Variants in SH3GL1 observed in about 807,000 individuals in gnomAD.
SH3GL1 encodes endophilin-A2.
SH3GL1 carries 21 observed loss-of-function variants against 48.8 expected under a neutral mutation model. The observed-to-expected ratio is 0.43, with a 90% CI of 0.30 to 0.62. SH3GL1 has a LOEUF of 0.62. Among genes scored for constraint, SH3GL1 ranks in the 20% least tolerant of loss-of-function variants. The probability of loss-of-function intolerance (pLI) is 0.11; values close to 1 mark genes in which losing one functional copy is unlikely to be tolerated. For missense variants in SH3GL1, 454 were observed against 503.0 expected (o/e 0.90, Z 0.93); for synonymous variants, 282 against 217.5 (o/e 1.30, Z -2.61).
At chr19:4,383,629 C>T (rs2144905816) in intron 1 of SH3GL1, among the ~76,000 whole-genome samples, 1 of 152,320 alleles carries the variant, frequency 6.6e-6, no homozygotes, top group South Asian at 2.1e-4. Context: ...ACTGCTCTCA[C>T]ACATGGTTTC....
At chr19:4,399,936 G>A (rs563985277) in intron 1 of SH3GL1, among the ~76,000 whole-genome samples, 3 of 152,190 alleles carry the variant, frequency 2.0e-5, no homozygotes, top group East Asian at 1.9e-4. Context: ...GAACGTAACT[G>A]CTCTAGACGC....
intron 1 of SH3GL1, among the ~76,000 whole-genome samples, chr19:4,374,778 G>T (rs1170887513): frequency 2.0e-5 from 3 of 152,194 alleles, no homozygotes; most frequent in African/African-American, 7.2e-5. Flanking sequence ...TGACTCAGCA[G>T]TCCTTGGAAA....
At chr19:4,378,814 C>T (rs1319896544) in intron 1 of SH3GL1, among the ~76,000 whole-genome samples, 3 of 152,176 alleles carry the variant, frequency 2.0e-5, no homozygotes, top group Non-Finnish European at 4.4e-5. Context: ...GGTGTGGGGC[C>T]GGCCAGGGGT....
intron 1 of SH3GL1, chr19:4,395,469 T>C (rs530168902): frequency 2.0e-5 from 3 of 152,366 alleles, no homozygotes; most frequent in East Asian, 3.9e-4. Context: ...TCTGTCATCA[T>C]ATGTACGGGA....
chr19:4,373,559 C>G (rs893800239), intron 1 of SH3GL1, among the ~76,000 whole-genome samples: 1 of 152,242 alleles, frequency 6.6e-6, no homozygotes, highest in African/African-American at 2.4e-5. Context: ...ATTGGGCACC[C>G]GGGGACAGCC....
At chr19:4,363,222 C>T in intron 7 of SH3GL1, 148 bp downstream of exon 7, 3 of 674,328 alleles carry the variant, frequency 4.4e-6, no homozygotes, top group Non-Finnish European at 7.6e-6. Flanking sequence ...ACCTCGCGGC[C>T]CCCCAGGCCT....
At chr19:4,372,081 T>A (rs1972913621) in intron 1 of SH3GL1, among the ~76,000 whole-genome samples, 1 of 152,032 alleles carries the variant, frequency 6.6e-6, no homozygotes, top group South Asian at 2.1e-4. Flanking sequence ...GTGCCAAAAC[T>A]ACAGGCATGA....
chr19:4,392,283 T>C (rs1487509563), intron 1 of SH3GL1, among the ~76,000 whole-genome samples: 2 of 151,736 alleles, frequency 1.3e-5, no homozygotes, highest in African/African-American at 4.8e-5. Context: ...TCCCAGCACT[T>C]TGGGAGGCAA....
At chr19:4,369,596 G>C (rs1394611361) in intron 1 of SH3GL1, among the ~76,000 whole-genome samples, 2 of 152,206 alleles carry the variant, frequency 1.3e-5, no homozygotes, top group African/African-American at 2.4e-5. Context: ...ACCCGCCACG[G>C]TACCAAAGAC....
At chr19:4,368,615 C>G (rs1972832543) in intron 1 of SH3GL1, among the ~76,000 whole-genome samples, 1 of 152,196 alleles carries the variant, frequency 6.6e-6, no homozygotes, top group South Asian at 2.1e-4. Flanking sequence ...ACGGGACTGT[C>G]CTCACCCACG....
At chr19:4,372,755 G>A (rs1012284606) in intron 1 of SH3GL1, among the ~76,000 whole-genome samples, 2 of 152,198 alleles carry the variant, frequency 1.3e-5, no homozygotes, top group Non-Finnish European at 1.5e-5. Context: ...GCCTGGAGGC[G>A]GCCTGCTGCC....
intron 1 of SH3GL1, among the ~76,000 whole-genome samples, chr19:4,393,954 G>A (rs1973382572): frequency 6.6e-6 from 1 of 151,578 alleles, no homozygotes; most frequent in Non-Finnish European, 1.5e-5. Context: ...CCGGCAGACA[G>A]TCCTCCCCCA....
chr19:4,365,742 G>C, intron 3 of SH3GL1, 117 bp from the exon 4 acceptor site: 1 of 1,432,196 alleles, frequency 7.0e-7, no homozygotes, highest in Non-Finnish European at 9.7e-7. Context: ...GGACAGCCTA[G>C]GCCACACAAA....
At chr19:4,372,491 G>A (rs1328838513) in intron 1 of SH3GL1, among the ~76,000 whole-genome samples, 2 of 152,202 alleles carry the variant, frequency 1.3e-5, no homozygotes, top group Non-Finnish European at 2.9e-5. Context: ...AAAACAGCTG[G>A]AATACAGGGT....
At chr19:4,399,246 G>A (rs1473005689) in intron 1 of SH3GL1, among the ~76,000 whole-genome samples, 1 of 150,980 alleles carries the variant, frequency 6.6e-6, no homozygotes, top group East Asian at 1.9e-4. Flanking sequence ...CTTGAACACA[G>A]GAGGCGGAGC....
At chr19:4,399,253 G>C (rs1046698816) in intron 1 of SH3GL1, among the ~76,000 whole-genome samples, 2 of 145,546 alleles carry the variant, frequency 1.4e-5, no homozygotes, top group Non-Finnish European at 3.0e-5. Flanking sequence ...ACAGGAGGCG[G>C]AGCTTGCAGT....
chr19:4,388,379 G>A (rs1342924828), intron 1 of SH3GL1, among the ~76,000 whole-genome samples: 13 of 152,166 alleles, frequency 8.5e-5, no homozygotes, highest in Admixed American at 8.5e-4. Flanking sequence ...ACATTTGAAC[G>A]CTGGGACAGG....
intron 1 of SH3GL1, among the ~76,000 whole-genome samples, chr19:4,381,264 CCCT>C (rs1973120622): frequency 7.8e-6 from 1 of 128,290 alleles, no homozygotes; most frequent in Non-Finnish European, 1.7e-5. Context: ...CTCTCTGTCC[CCCT>C]ACCTCTGTCT....
intron 1 of SH3GL1, chr19:4,395,945 T>G (rs1481357853): frequency 6.6e-6 from 1 of 151,966 alleles, no homozygotes; most frequent in African/African-American, 2.4e-5. Flanking sequence ...TGTCACAATA[T>G]GTATATGATA....
Sources: allele counts gnomAD v4.1 joint callset (sites outside exome capture counted in the v4.1 genomes callset), GRCh38; gene constraint gnomAD v4.1.1; transcripts MANE v1.5; gene names NCBI Gene and HGNC (gene_info 2026-07-23, HGNC 2026-07-21).